GABRB2: variants seen among roughly 807,000 people sequenced by gnomAD.
GABRB2 encodes gamma-aminobutyric acid type A receptor subunit beta2, also known as gamma-aminobutyric acid receptor subunit beta-2.
A neutral mutation model predicts 54.7 loss-of-function variants in GABRB2; 16 were observed. The observed-to-expected ratio is 0.29, with a 90% CI of 0.20 to 0.44. The LOEUF (loss-of-function observed/expected upper bound fraction) is 0.44. GABRB2 is among the 20% of genes least tolerant of loss of function. GABRB2 has a pLI of 1.00. For missense variants in GABRB2, 355 were observed against 644.0 expected (o/e 0.55, Z 4.86); for synonymous variants, 244 against 233.8 (o/e 1.04, Z -0.40).
At chr5:161,469,096 T>C (rs1357175221) in intron 3 of GABRB2, among the ~76,000 whole-genome samples, 2 of 151,904 alleles carry the variant, frequency 1.3e-5, no homozygotes. Flanking sequence ...AAAATATTTC[T>C]AATATTAATA....
At chr5:161,365,481 G>T (rs1754945375) in intron 5 of GABRB2, among the ~76,000 whole-genome samples, 1 of 152,108 alleles carries the variant, frequency 6.6e-6, no homozygotes, top group Admixed American at 6.6e-5. Context: ...TATGTATGGG[G>T]TACATAGTGA....
At position 161,366,001 on chromosome 5, in the gene GABRB2, G is replaced by A. The variant is rs554572387; in HGVS notation, c.542-29232C>T. 1.3e-4 allele frequency among the ~76,000 whole-genome samples: 20 copies of A among 151,082 alleles called. No homozygotes were observed. The South Asian group carries it at 4.0e-3, about 30-fold the overall frequency. On this transcript the variant is annotated intron_variant, in intron 5 of 9. Coordinates refer to ENST00000393959, the MANE Select transcript of GABRB2 (RefSeq NM_001371727.1). ...GTGAGCCTTTCACCTGCACCTGGCA[G>A]ATACTATTTACTTCAATTGTTCAAT... is the stretch of plus-strand genomic sequence containing the variant.
chr5:161,360,881 G>GA (rs554412784), intron 5 of GABRB2, among the ~76,000 whole-genome samples: 2,029 of 147,238 alleles, frequency 0.014, 16 homozygotes, highest in Middle Eastern at 0.029. Flanking sequence ...GGAAATGGAA[G>GA]AAAAAAAAAA....
chr5:161,411,686 T>A (rs1756520826), intron 4 of GABRB2, among the ~76,000 whole-genome samples: 1 of 152,124 alleles, frequency 6.6e-6, no homozygotes, highest in Admixed American at 6.6e-5. Context: ...TTTAGAACAC[T>A]TAGTACCTTT....
At chr5:161,386,922 G>A (rs17059393) in intron 5 of GABRB2, among the ~76,000 whole-genome samples, 11,123 of 151,868 alleles carry the variant, frequency 0.073, 471 homozygotes, top group East Asian at 0.17. Flanking sequence ...TGACTTGACC[G>A]CGTAAAAATG....
intron 5 of GABRB2, among the ~76,000 whole-genome samples, chr5:161,376,394 C>T (rs1437912084): frequency 6.6e-6 from 1 of 151,984 alleles, no homozygotes; most frequent in African/African-American, 2.4e-5. Flanking sequence ...CTTTATAAGA[C>T]CTGACCAAAT....
intron 3 of GABRB2, among the ~76,000 whole-genome samples, chr5:161,511,648 A>T (rs1581046781): frequency 6.6e-6 from 1 of 152,038 alleles, no homozygotes; most frequent in South Asian, 2.1e-4. Flanking sequence ...ATTGTCTCAC[A>T]GTTCTGGAGG....
intron 5 of GABRB2, among the ~76,000 whole-genome samples, chr5:161,372,922 G>T (rs17520416): frequency 0.081 from 12,332 of 152,208 alleles, 619 homozygotes; most frequent in African/African-American, 0.14. Flanking sequence ...GGAACAGTGT[G>T]TCTCCATTCA....
rs1301643128 is a variant in GABRB2 at position 161,529,503 on chromosome 5, T to C, written c.237+15724A>G. On this transcript the variant is annotated intron_variant, in intron 3 of 9. Coordinates refer to ENST00000393959, the MANE Select transcript of GABRB2 (RefSeq NM_001371727.1). ...TAGCTGTAGCATAGGAGGTTTGTATTGTCTTGGTTCTCACAGGTTCTAGCT... is the reference window on the plus strand; with the variant it reads ...TAGCTGTAGCATAGGAGGTTTGTATCGTCTTGGTTCTCACAGGTTCTAGCT... 2.0e-5 allele frequency among the ~76,000 whole-genome samples: 3 copies of C among 152,016 alleles called. No individual in the cohort carries two copies. The East Asian group carries it at 5.8e-4, about 29-fold the overall frequency.
At chr5:161,404,047 T>C (rs1054408115) in intron 5 of GABRB2, among the ~76,000 whole-genome samples, 3 of 152,170 alleles carry the variant, frequency 2.0e-5, no homozygotes, top group Non-Finnish European at 4.4e-5. Flanking sequence ...ACTAGTTTAC[T>C]TTCTAATATT....
chr5:161,294,326 G>A lies in GABRB2; in HGVS notation c.1294C>T (p.Leu432=), dbSNP rs777255206. 2 of 1,614,130 alleles carry A rather than the reference G, an allele frequency of 1.2e-6. No individual in the cohort carries two copies. Among genetic ancestry groups the A allele is most frequent in the East Asian group, 2.2e-5 (1 of 44,874 alleles). Residue 432 remains leucine, a synonymous_variant, in exon 10 of 10, where the codon CTA becomes TTA. Coordinates refer to ENST00000393959, the MANE Select transcript of GABRB2 (RefSeq NM_001371727.1). ...TGGATGCTGGAGGCATCATAGGCTA[G>A]CATTGTGCTTCTGGGGTCTCCAAGT... The part of the protein sequence containing the change: ...MGLGDPRSTM[L]AYDASSIQYR...
intron 4 of GABRB2, among the ~76,000 whole-genome samples, chr5:161,429,338 T>G (rs1420373050): frequency 5.4e-3 from 1 of 186 alleles, no homozygotes; most frequent in Admixed American, 0.062. Flanking sequence ...AGAGCAAGAA[T>G]CCGTCTCAAA....
At chr5:161,418,038 C>T (rs1358667831) in intron 4 of GABRB2, among the ~76,000 whole-genome samples, 2 of 152,216 alleles carry the variant, frequency 1.3e-5, no homozygotes, top group Middle Eastern at 3.4e-3. Context: ...GTTTGGCCTT[C>T]TGTGACTCTT....
At chr5:161,442,424 GGA>G (rs1466549573) in intron 4 of GABRB2, among the ~76,000 whole-genome samples, 1 of 152,174 alleles carries the variant, frequency 6.6e-6, no homozygotes, top group Admixed American at 6.5e-5. Flanking sequence ...TCTTCCACCA[GGA>G]CACTGAAGCA....
chr5:161,524,756 T>C (rs1234742391), intron 3 of GABRB2, among the ~76,000 whole-genome samples: 1 of 151,322 alleles, frequency 6.6e-6, no homozygotes, highest in Non-Finnish European at 1.5e-5. Context: ...GAGACCCTCA[T>C]ATTATTTTCT....
At chr5:161,335,337 G>A (rs558814961) in intron 6 of GABRB2, among the ~76,000 whole-genome samples, 37 of 152,230 alleles carry the variant, frequency 2.4e-4, no homozygotes, top group African/African-American at 8.9e-4. Context: ...TTAAGTCTGT[G>A]ATCAGTGGTG....
intron 4 of GABRB2, among the ~76,000 whole-genome samples, chr5:161,442,268 T>C (rs923833249): frequency 2.6e-5 from 4 of 151,910 alleles, no homozygotes; most frequent in African/African-American, 9.7e-5. Context: ...ATAAATAAAA[T>C]AAAAATGGAA....
At chr5:161,476,840 A>T (rs1758605702) in intron 3 of GABRB2, among the ~76,000 whole-genome samples, 1 of 151,958 alleles carries the variant, frequency 6.6e-6, no homozygotes, top group African/African-American at 2.4e-5. Flanking sequence ...TAAAATGCCT[A>T]GAAGAAAGTA....
At chr5:161,453,963 G>A (rs556306456) in intron 4 of GABRB2, among the ~76,000 whole-genome samples, 32 of 151,468 alleles carry the variant, frequency 2.1e-4, no homozygotes, top group Non-Finnish European at 3.1e-4. Flanking sequence ...GCTTGAACCC[G>A]GGAGGCAGAG....
Sources: allele counts gnomAD v4.1 joint callset (sites outside exome capture counted in the v4.1 genomes callset), GRCh38; gene constraint gnomAD v4.1.1; transcripts MANE v1.5; gene names NCBI Gene and HGNC (gene_info 2026-07-23, HGNC 2026-07-21).